Variants in PET100 observed in about 807,000 individuals in gnomAD.
The protein encoded by PET100 is protein PET100 homolog, mitochondrial.
Under a neutral mutation model 13.6 loss-of-function variants are expected in PET100, and 13 were observed. That is an observed-to-expected ratio of 0.96 (90% CI 0.62 to 1.52). The LOEUF is 1.52. Among genes scored for constraint, PET100 ranks in the 40% most tolerant of loss-of-function variants. PET100 has a pLI of 0.00. For synonymous variants in PET100, 28 were observed against 30.8 expected (o/e 0.91, Z 0.30); for missense variants, 94 against 95.3 (o/e 0.99, Z 0.06).
At chr19:7,631,409 T>TGGGGGGGGGGGGGGGGG (rs1221264166) in intron 3 of PET100, 64 bp from the exon 4 acceptor site, 4 of 639,598 alleles carry the variant, frequency 6.3e-6, no homozygotes, top group African/African-American at 5.3e-5. Flanking sequence ...CGGGGGGGGG[T>TGGGGGGGGGGGGGGGGG]GGTCCCGGCT....
chr19:7,631,639 T>A lies in PET100; in HGVS notation c.*83T>A. 1 of 1,457,342 alleles carries A rather than the reference T, an allele frequency of 6.9e-7. No individual in the cohort carries two copies. The highest frequency in any genetic ancestry group is 9.1e-7 in the Non-Finnish European group (1 of 1,103,176). 90.3% of individuals were successfully genotyped at this position (1,457,342 alleles called of 1,614,324 possible). ...CTTGTTATTCATTTAAGTGTTTTAT[T>A]CTTTTATCAGTTTTTGGGGGCCGAG... On this transcript the variant is annotated 3_prime_UTR_variant, in exon 4 of 4. Transcript: ENST00000594797.
rs1482636584 is a variant in PET100 at position 7,631,831 on chromosome 19, CA to C, written c.*276del. On this transcript the variant is annotated 3_prime_UTR_variant, in exon 4 of 4. Coordinates refer to ENST00000594797, the MANE Select transcript of PET100 (RefSeq NM_001171155.2). ...GTCCTGTGGATGAAGAGGGGTCAGCCAGGGGGAGGGCTCAAGGGCAGTGCCG... is the reference window on the plus strand; with the variant it reads ...GTCCTGTGGATGAAGAGGGGTCAGCCGGGGGAGGGCTCAAGGGCAGTGCCG... 7.2e-7 allele frequency: 1 copy of C among 1,382,128 alleles called. No individual in the cohort carries two copies. The allele number at this position is 1,382,128 out of a possible 1,614,324, so 85.6% of individuals were successfully genotyped here. A position where few individuals can be genotyped will look rare whatever the true frequency, so the allele number is the denominator to read the frequency against.
At chr19:7,631,042 C>T (rs1025752965) in intron 3 of PET100, 196 bp downstream of exon 3, 27 of 780,682 alleles carry the variant, frequency 3.5e-5, no homozygotes, top group Non-Finnish European at 5.2e-5. Flanking sequence ...AACCCCATGT[C>T]TACAGAAATA....
At chr19:7,630,218 G>T in intron 1 of PET100, 1 of 452,458 alleles carries the variant, frequency 2.2e-6, no homozygotes, top group Non-Finnish European at 3.9e-6. Flanking sequence ...TCGAGAAGTG[G>T]AGTTGAAGAG....
intron 1 of PET100, 98 bp downstream of exon 1, chr19:7,629,958 C>T (rs2031237585): frequency 2.2e-6 from 3 of 1,339,900 alleles, no homozygotes; most frequent in Admixed American, 3.1e-5. Context: ...GAAGAGGGAG[C>T]TCCAAGGAGA....
At position 7,631,609 on chromosome 19, in the gene PET100, A is replaced by G. The variant is rs987139436; in HGVS notation, c.*53A>G. On this transcript the variant is annotated 3_prime_UTR_variant, in exon 4 of 4. Transcript: ENST00000594797. ...CCCCTGATGAAATATACATATACTC[A>G]GTTCCTTGTTATTCATTTAAGTGTT... The G allele has an allele frequency of 7.5e-6, 11 of 1,473,112 alleles. No homozygotes were observed. The Admixed American group carries it at 1.5e-4, about 20-fold the overall frequency. The allele number at this position is 1,473,112 out of a possible 1,614,324, so 91.3% of individuals were successfully genotyped here.
rs1172560992 is a variant in PET100, at chr19:7,631,716, G to T, written c.*160G>T. On this transcript the variant is annotated 3_prime_UTR_variant, in exon 4 of 4. Transcript: ENST00000594797. ...AGGGGGCTTGTGTCGGGGGCTGGGG[G>T]CTGCTGTTCCGACGGAAGCCGAGAG... 1 of 1,450,632 alleles carries T rather than the reference G, an allele frequency of 6.9e-7. No individual in the cohort carries two copies. The allele number at this position is 1,450,632 out of a possible 1,614,324, so 89.9% of individuals were successfully genotyped here. A position where few individuals can be genotyped will look rare whatever the true frequency, so the allele number is the denominator to read the frequency against.
intron 3 of PET100, chr19:7,631,129 A>C: frequency 1.2e-6 from 1 of 828,326 alleles, no homozygotes; most frequent in Non-Finnish European, 1.8e-6. Flanking sequence ...AATCACTTGA[A>C]CCCAGGAGGT....
chr19:7,630,467 A>C (rs2031253994), intron 1 of PET100, 106 bp from the exon 2 acceptor site: 2 of 886,070 alleles, frequency 2.3e-6, no homozygotes, highest in East Asian at 5.3e-5. Context: ...GGTCGGCCGT[A>C]ACGAGGCGCT....
rs764958050 is a variant in PET100 at position 7,630,794 on chromosome 19, C to A, written c.115-29C>A. ...TGTGGGGCTCTGGAGGCCTTTGGCT[C>A]GTGTCCCATTTGTGACTTTTCCTTA... is the stretch of plus-strand genomic sequence containing the variant. On this transcript the variant is annotated intron_variant, in intron 2 of 3. Transcript: ENST00000594797. 2.6e-6 allele frequency: 4 copies of A among 1,537,208 alleles called. No homozygotes were observed. The South Asian group carries it at 4.8e-5, about 18-fold the overall frequency.
At position 7,631,499 on chromosome 19, in the gene PET100, G is replaced by A; in HGVS notation, c.165G>A (p.Glu55=). The part of the protein sequence containing the change: ...EKLQEIEEFK[E]RLRKRREEKL... ...TTCAAGAGATAGAGGAATTCAAAGA[G>A]AGGTTACGGAAGCGGCGGGAGGAGA... The change falls in exon 4 of 4, where the codon GAG becomes GAA. Residue 55 remains glutamate (E), a synonymous_variant. Transcript: ENST00000594797. The A allele has an allele frequency of 6.5e-7, 1 of 1,536,680 alleles. No individual in the cohort carries two copies.
At chr19:7,630,085 C>A in intron 1 of PET100, 1 of 487,710 alleles carries the variant, frequency 2.1e-6, no homozygotes. Flanking sequence ...AGGGCTGGTC[C>A]GAGGAAGGAC....
rs762857859 is a variant in PET100 at position 7,631,482 on chromosome 19, A to T, written c.148A>T (p.Ile50Leu). The change falls in exon 4 of 4, where the codon ATA (isoleucine) becomes TTA (leucine). Residue 50 changes from isoleucine (I) to leucine (L), a missense_variant. By Grantham distance (5) the Ile-to-Leu change is conservative. Coordinates refer to ENST00000594797, the MANE Select transcript of PET100 (RefSeq NM_001171155.2). ...GCTTCTCCACCCCTAGCTTCAAGAG[A>T]TAGAGGAATTCAAAGAGAGGTTACG... is the stretch of plus-strand genomic sequence containing the variant. ...ELWPPEKLQEIEEFKERLRKR... is the reference protein window; with the variant it reads ...ELWPPEKLQELEEFKERLRKR... The T allele has an allele frequency of 6.5e-7, 1 of 1,535,520 alleles. No homozygotes were observed. Among genetic ancestry groups the T allele is most frequent in the Non-Finnish European group, 8.7e-7 (1 of 1,146,468 alleles).
intron 3 of PET100, chr19:7,631,136 A>T: frequency 1.2e-6 from 1 of 848,112 alleles, no homozygotes. Flanking sequence ...TGAACCCAGG[A>T]GGTGGAGGTT....
rs1393338121 is a variant in PET100 at position 7,631,814 on chromosome 19, G to T, written c.*258G>T. 1 of 1,394,464 alleles carries T rather than the reference G, an allele frequency of 7.2e-7. No individual in the cohort carries two copies. The highest frequency in any genetic ancestry group is 2.8e-5 in the Admixed American group (1 of 36,208). The allele number at this position is 1,394,464 out of a possible 1,614,324, so 86.4% of individuals were successfully genotyped here. A position where few individuals can be genotyped will look rare whatever the true frequency, so the allele number is the denominator to read the frequency against. ...GCTCGTTTCTGTGCTCCGTCCTGTG[G>T]ATGAAGAGGGGTCAGCCAGGGGGAG... On this transcript the variant is annotated 3_prime_UTR_variant, in exon 4 of 4. Coordinates refer to ENST00000594797, the MANE Select transcript of PET100 (RefSeq NM_001171155.2).
In PET100 at chr19:7,631,815, A is replaced by C. The variant is rs753383630; in HGVS notation, c.*259A>C. Reference sequence around the variant, plus strand: ...CTCGTTTCTGTGCTCCGTCCTGTGGATGAAGAGGGGTCAGCCAGGGGGAGG... The same window carrying C: ...CTCGTTTCTGTGCTCCGTCCTGTGGCTGAAGAGGGGTCAGCCAGGGGGAGG... On this transcript the variant is annotated 3_prime_UTR_variant, in exon 4 of 4. Transcript: ENST00000594797. The C allele has an allele frequency of 3.6e-6, 5 of 1,390,162 alleles. No homozygotes were observed. In the Admixed American group the frequency reaches 1.4e-4, roughly 39 times the overall value. The allele number at this position is 1,390,162 out of a possible 1,614,324, so 86.1% of individuals were successfully genotyped here. A position where few individuals can be genotyped will look rare whatever the true frequency, so the allele number is the denominator to read the frequency against.
chr19:7,631,293 A>G (rs1391388559), intron 3 of PET100, 180 bp from the exon 4 acceptor site: 12 of 1,413,120 alleles, frequency 8.5e-6, no homozygotes, highest in Non-Finnish European at 1.0e-5. Context: ...CTCCTGGAAG[A>G]GTGAAGCGGA....
chr19:7,631,437 C>T, intron 3 of PET100, 36 bp from the exon 4 acceptor site: 1 of 1,511,020 alleles, frequency 6.6e-7, no homozygotes, highest in Non-Finnish European at 8.9e-7. Flanking sequence ...GTGTGCCCCT[C>T]CCCCCTTCCT....
rs1289829973 is a variant in PET100 at position 7,631,516 on chromosome 19, G to A, written c.182G>A (p.Arg61Gln). ...EEFKERLRKR[R>Q]EEKLLRDAQQ... is the part of the protein sequence containing the mutation. ...TTCAAAGAGAGGTTACGGAAGCGGCGGGAGGAGAAGCTCCTTCGCGACGCC... is the reference window on the plus strand; with the variant it reads ...TTCAAAGAGAGGTTACGGAAGCGGCAGGAGGAGAAGCTCCTTCGCGACGCC... Residue 61 changes from arginine (R) to glutamine (Q), a missense_variant, in exon 4 of 4, where the codon CGG (arginine) becomes CAG (glutamine). Physicochemically the swap from Arg to Gln is conservative, Grantham distance 43 (BLOSUM62 1). Coordinates refer to ENST00000594797, the MANE Select transcript of PET100 (RefSeq NM_001171155.2). The A allele has an allele frequency of 1.8e-5, 27 of 1,536,134 alleles. No individual in the cohort carries two copies. Among genetic ancestry groups the A allele is most frequent in the Admixed American group, 3.9e-5 (2 of 50,958 alleles).
Sources: gnomAD v4.1 joint callset for allele counts on GRCh38, gnomAD v4.1.1 for gene constraint, MANE v1.5 for transcripts, NCBI Gene and HGNC (gene_info 2026-07-23, HGNC 2026-07-21) for gene names.